Variants in TRAF3 observed in about 807,000 individuals in gnomAD.
TRAF3 encodes the protein TNF receptor associated factor 3.
In TRAF3, 13 loss-of-function variants were observed where a neutral mutation model predicts 62.3. That is an observed-to-expected ratio of 0.21 (90% CI 0.14 to 0.33). The LOEUF (loss-of-function observed/expected upper bound fraction) is 0.33. TRAF3 is among the 10% of genes least tolerant of loss of function. TRAF3 has a pLI of 1.00. For missense variants in TRAF3, 440 were observed against 741.8 expected (o/e 0.59, Z 4.73); for synonymous variants, 269 against 283.4 (o/e 0.95, Z 0.51).
intron 1 of TRAF3, among the ~76,000 whole-genome samples, chr14:102,791,255 G>C (rs1407409593): frequency 1.3e-5 from 2 of 151,956 alleles, no homozygotes; most frequent in African/African-American, 4.8e-5. Context: ...TCCTGATCTC[G>C]TGATCCACCC....
rs35895214 is a variant in TRAF3 at position 102,792,113 on chromosome 14, C to CTTT, written c.-157+14463_-157+14465dup. On this transcript the variant is annotated intron_variant, in intron 1 of 11. Coordinates refer to ENST00000392745, the MANE Select transcript of TRAF3 (RefSeq NM_145725.3). ...ACAGGTGCGAGCCACTGTGCCTGGA[C>CTTT]TTTTTTTTTTTTTTTTTTTTTTTTT... is the stretch of plus-strand genomic sequence containing the variant. 6.5e-3 allele frequency among the ~76,000 whole-genome samples: 638 copies of CTTT among 97,682 alleles called. 197 individuals carry two copies. Among genetic ancestry groups the CTTT allele is most frequent in the Middle Eastern group, 0.012 (2 of 172 alleles). The allele number at this position is 97,682 out of a possible 152,430, so 64.1% of individuals were successfully genotyped here.
intron 2 of TRAF3, among the ~76,000 whole-genome samples, chr14:102,837,078 CA>C (rs1886054827): frequency 6.7e-6 from 1 of 150,312 alleles, no homozygotes; most frequent in South Asian, 2.1e-4. Flanking sequence ...TAATTGTACT[CA>C]ATTTTCATAT....
At chr14:102,847,567 T>G (rs117987631) in intron 2 of TRAF3, among the ~76,000 whole-genome samples, 4,558 of 152,310 alleles carry the variant, frequency 0.03, 103 homozygotes, top group Non-Finnish European at 0.047. Flanking sequence ...CTACAGTAAT[T>G]AAAGAAGGAT....
chr14:102,808,751 C>T (rs895375213), intron 1 of TRAF3, among the ~76,000 whole-genome samples: 2 of 151,864 alleles, frequency 1.3e-5, no homozygotes, highest in Non-Finnish European at 2.9e-5. Flanking sequence ...AGTCGAATGA[C>T]CAATGGCTGT....
intron 1 of TRAF3, among the ~76,000 whole-genome samples, chr14:102,807,336 G>A (rs1898832884): frequency 6.6e-6 from 1 of 152,136 alleles, no homozygotes; most frequent in Non-Finnish European, 1.5e-5. Flanking sequence ...CTGCTGCCTT[G>A]TCCTCCTTTC....
chr14:102,842,982 C>T (rs988814282), intron 2 of TRAF3, among the ~76,000 whole-genome samples: 6 of 151,908 alleles, frequency 3.9e-5, no homozygotes, highest in Middle Eastern at 6.8e-3. Flanking sequence ...CCGAGGTGGG[C>T]GAATCACCTG....
At chr14:102,900,051 C>T (rs967151142) in intron 10 of TRAF3, among the ~76,000 whole-genome samples, 5 of 150,854 alleles carry the variant, frequency 3.3e-5, no homozygotes, top group East Asian at 3.9e-4. Context: ...CGGTGGTGGG[C>T]GCCTGTAGTC....
In TRAF3 at chr14:102,804,127, C is replaced by T. The variant is rs1432594548; in HGVS notation, c.-156-26207C>T. On this transcript the variant is annotated intron_variant, in intron 1 of 11. Coordinates refer to ENST00000392745, the MANE Select transcript of TRAF3 (RefSeq NM_145725.3). ...GTTCTTTGAGCCCAGGAGGTCCATA[C>T]TGCAGTGAGCCATGATTGGGCCACT... Among the ~76,000 whole-genome samples the T allele has an allele frequency of 3.3e-5, 5 of 152,030 alleles. No homozygotes were observed. The East Asian group carries it at 9.7e-4, about 29-fold the overall frequency.
rs561764857 is a variant in TRAF3 at position 102,794,837 on chromosome 14, C to G, written c.-157+17162C>G. Reference sequence around the variant, plus strand: ...ATACCTATTCATAAAATAATTACCTCTATAAAATGTATGTCTTATCAGCAG... The same window carrying G: ...ATACCTATTCATAAAATAATTACCTGTATAAAATGTATGTCTTATCAGCAG... On this transcript the variant is annotated intron_variant, in intron 1 of 11. Coordinates refer to ENST00000392745, the MANE Select transcript of TRAF3 (RefSeq NM_145725.3). 2.6e-5 allele frequency among the ~76,000 whole-genome samples: 4 copies of G among 152,290 alleles called. No individual in the cohort carries two copies. In the South Asian group the frequency reaches 8.3e-4, roughly 32 times the overall value.
chr14:102,866,422 A>G (rs1025974140), intron 2 of TRAF3, among the ~76,000 whole-genome samples: 4 of 152,232 alleles, frequency 2.6e-5, no homozygotes, highest in Non-Finnish European at 5.9e-5. Flanking sequence ...AATAATTTAA[A>G]AAAAAGTCAA....
At chr14:102,843,157 C>T (rs1003583966) in intron 2 of TRAF3, among the ~76,000 whole-genome samples, 4 of 150,592 alleles carry the variant, frequency 2.7e-5, no homozygotes, top group Non-Finnish European at 4.4e-5. Context: ...GAGCCGAGAT[C>T]GTGCCACTGC....
chr14:102,902,421 G>A (rs1242138378), intron 10 of TRAF3, among the ~76,000 whole-genome samples: 5 of 152,230 alleles, frequency 3.3e-5, no homozygotes, highest in African/African-American at 1.2e-4. Flanking sequence ...GGAACCCCCT[G>A]CAGCCACAGA....
intron 2 of TRAF3, among the ~76,000 whole-genome samples, chr14:102,869,504 T>C (rs1888202207): frequency 2.6e-5 from 4 of 152,134 alleles, no homozygotes; most frequent in African/African-American, 9.7e-5. Context: ...AAATACTGTA[T>C]TATTAACTTT....
intron 1 of TRAF3, among the ~76,000 whole-genome samples, chr14:102,810,141 A>G (rs1899034371): frequency 1.3e-5 from 2 of 152,204 alleles, no homozygotes; most frequent in Admixed American, 1.3e-4. Flanking sequence ...CTTGGCTTAA[A>G]GGGTCAAGAA....
intron 4 of TRAF3, among the ~76,000 whole-genome samples, chr14:102,873,125 AAGC>A (rs1888438769): frequency 6.6e-6 from 1 of 152,212 alleles, no homozygotes; most frequent in Admixed American, 6.5e-5. Context: ...TTCCTGTCTA[AAGC>A]ACCTTGCAGA....
chr14:102,808,835 T>G (rs906837645), intron 1 of TRAF3, among the ~76,000 whole-genome samples: 1 of 151,964 alleles, frequency 6.6e-6, no homozygotes, highest in Non-Finnish European at 1.5e-5. Context: ...TTTTTTTTTT[T>G]AAGACAGTCT....
chr14:102,861,389 C>T (rs1306561857), intron 2 of TRAF3, among the ~76,000 whole-genome samples: 3 of 152,186 alleles, frequency 2.0e-5, no homozygotes, highest in African/African-American at 4.8e-5. Flanking sequence ...GGACTCTAAC[C>T]TTCCTAAGTT....
chr14:102,875,777 C>T (rs1356019328), intron 5 of TRAF3, 49 bp downstream of exon 5: 1 of 1,490,840 alleles, frequency 6.7e-7, no homozygotes, highest in Non-Finnish European at 9.4e-7. Flanking sequence ...GAATTCGAGT[C>T]CCTTACATCC....
intron 1 of TRAF3, among the ~76,000 whole-genome samples, chr14:102,811,272 C>T (rs955826499): frequency 4.6e-5 from 7 of 151,418 alleles, no homozygotes; most frequent in Admixed American, 3.3e-4. Context: ...TCTGTATTAG[C>T]GTCCTTCTGA....
Sources: gnomAD v4.1 joint callset for allele counts (sites outside exome capture counted in the v4.1 genomes callset) on GRCh38, gnomAD v4.1.1 for gene constraint, MANE v1.5 for transcripts, NCBI Gene and HGNC (gene_info 2026-07-23, HGNC 2026-07-21) for gene names.